ALG6: variants seen among roughly 807,000 people sequenced by gnomAD.
ALG6 encodes ALG6 alpha-1,3-glucosyltransferase.
ALG6 carries 46 observed loss-of-function variants against 66.6 expected under a neutral mutation model. The ratio of observed to expected loss-of-function variants is 0.69; its 90% confidence interval spans 0.55 to 0.88. ALG6 has a LOEUF of 0.88. Ranked by LOEUF, ALG6 falls within the 40% of genes least tolerant of loss-of-function variation. ALG6 has a pLI of 0.00. For synonymous variants in ALG6, 185 were observed against 203.7 expected, an observed-to-expected ratio of 0.91 and a Z score of 0.78; for missense variants, 505 against 586.8, an observed-to-expected ratio of 0.86 and a Z score of 1.44.
chr1:63,406,550 A>G, intron 6 of ALG6, 151 bp downstream of exon 6: 4 of 719,372 alleles, frequency 5.6e-6, no homozygotes, highest in Non-Finnish European at 7.1e-6. Flanking sequence ...AAAAGCATCA[A>G]CTTATCTTAC....
At chr1:63,368,098 C>T (rs1647787858) in intron 1 of ALG6, among the ~76,000 whole-genome samples, 1 of 152,118 alleles carries the variant, frequency 6.6e-6, no homozygotes, top group Non-Finnish European at 1.5e-5. Context: ...ATGGGGACGG[C>T]GGGCTTGGCA....
At chr1:63,411,065 C>T (rs1360356228) in intron 7 of ALG6, 81 bp from the exon 8 acceptor site, 2 of 1,395,982 alleles carry the variant, frequency 1.4e-6, no homozygotes, top group Non-Finnish European at 2.0e-6. Context: ...TTTCCTAGAG[C>T]ATATCTCTTG....
At chr1:63,400,361 G>GCA (rs1272509497) in intron 3 of ALG6, among the ~76,000 whole-genome samples, 1 of 101,208 alleles carries the variant, frequency 9.9e-6, no homozygotes, top group Non-Finnish European at 1.8e-5. Flanking sequence ...ATATATATAT[G>GCA]TATATATATG....
intron 2 of ALG6, among the ~76,000 whole-genome samples, chr1:63,385,184 CTTTTTTTTT>C (rs1165046824): frequency 1.7e-5 from 1 of 58,952 alleles, no homozygotes; most frequent in Admixed American, 2.2e-4. Context: ...TTTACTTCTT[CTTTTTTTTT>C]TTTTTTTTTT....
Position 63,401,179 on chromosome 1 carries a change from G to C in ALG6, c.168-1075G>C, listed in dbSNP as rs180877786. Among the ~76,000 whole-genome samples the C allele has an allele frequency of 1.0e-3, 159 of 152,226 alleles. 3 individuals carry two copies. The Middle Eastern group carries it at 0.014, about 13-fold the overall frequency. ...TACTCTATGCCCAGATGTCTTGGCT[G>C]TCTACCATGCCTTGATAATTTTAAT... On this transcript the variant is annotated intron_variant, in intron 3 of 14. Transcript: ENST00000263440.
At chr1:63,424,221 A>G (rs1271860830) in intron 12 of ALG6, among the ~76,000 whole-genome samples, 1 of 151,962 alleles carries the variant, frequency 6.6e-6, no homozygotes, top group African/African-American at 2.4e-5. Flanking sequence ...GCTCACTGCA[A>G]CCTCCGCCTC....
chr1:63,432,443 T>A (rs932656182), intron 14 of ALG6, among the ~76,000 whole-genome samples: 2 of 152,218 alleles, frequency 1.3e-5, no homozygotes, highest in Admixed American at 6.5e-5. Context: ...TAAGAGACAC[T>A]AACATGTAGT....
At chr1:63,405,276 A>G (rs2100416138) in intron 5 of ALG6, among the ~76,000 whole-genome samples, 1 of 152,184 alleles carries the variant, frequency 6.6e-6, no homozygotes, top group African/African-American at 2.4e-5. Flanking sequence ...TTTCTGAACC[A>G]CATACACACC....
Position 63,411,944 on chromosome 1 carries a change from G to A in ALG6, c.699G>A (p.Lys233=), listed in dbSNP as rs1310450217. 2.5e-6 allele frequency: 4 copies of A among 1,613,942 alleles called. No homozygotes were observed. Among genetic ancestry groups the A allele is most frequent in the South Asian group, 2.2e-5 (2 of 91,088 alleles). The change falls in exon 9 of 15, where the codon AAG becomes AAA. Residue 233 remains lysine (K), a synonymous_variant. Transcript: ENST00000263440. Reference sequence around the variant, plus strand: ...GTTTTAGGTTTGTGTTGCTAGTTAAGCTAGCTTGTATTGTTGTGGCTTCCT... The same window carrying A: ...GTTTTAGGTTTGTGTTGCTAGTTAAACTAGCTTGTATTGTTGTGGCTTCCT... The part of the protein sequence containing the change: ...LKGKGFVLLV[K]LACIVVASFV...
chr1:63,380,360 G>A (rs1648264583), intron 2 of ALG6, among the ~76,000 whole-genome samples: 1 of 152,192 alleles, frequency 6.6e-6, no homozygotes, highest in African/African-American at 2.4e-5. Flanking sequence ...ACGGAAGAAA[G>A]GAAGTAGTTT....
intron 2 of ALG6, among the ~76,000 whole-genome samples, chr1:63,387,109 G>T (rs1378100827): frequency 2.0e-5 from 3 of 152,226 alleles, no homozygotes; most frequent in South Asian, 2.1e-4. Context: ...AATTCCTCTT[G>T]TTATTGATTT....
intron 11 of ALG6, among the ~76,000 whole-genome samples, chr1:63,418,074 C>T (rs987207529): frequency 2.0e-5 from 3 of 150,018 alleles, no homozygotes; most frequent in East Asian, 2.0e-4. Context: ...GCGGAGGTTG[C>T]GGCGAGTGGA....
At chr1:63,387,532 C>CTTTTTTTTTTTTTTTTTTTTTTTTTTTT (rs760731397) in intron 2 of ALG6, among the ~76,000 whole-genome samples, 2 of 59,476 alleles carry the variant, frequency 3.4e-5, no homozygotes, top group Non-Finnish European at 6.0e-5. Context: ...TTGTCTTTCT[C>CTTTTTTTTTTTTTTTTTTTTTTTTTTTT]TTTTTTTTTT....
intron 10 of ALG6, among the ~76,000 whole-genome samples, chr1:63,414,587 CCTATTG>C (rs1188482451): frequency 6.6e-6 from 1 of 152,154 alleles, no homozygotes. Context: ...ACATAAAAGA[CCTATTG>C]CTCTGTACAA....
intron 2 of ALG6, among the ~76,000 whole-genome samples, chr1:63,377,703 G>A (rs1376911435): frequency 2.6e-5 from 4 of 152,140 alleles, no homozygotes; most frequent in African/African-American, 9.6e-5. Flanking sequence ...TTAATGACTT[G>A]TTTTGTACAG....
intron 12 of ALG6, among the ~76,000 whole-genome samples, chr1:63,422,118 AATATATAAATAAATATATAAAT>A (rs1209885257): frequency 1.2e-5 from 1 of 80,172 alleles, no homozygotes; most frequent in East Asian, 3.8e-4. Flanking sequence ...AATATATATA[AATATATAAATAAATATATAAAT>A]ATATATAAAT....
intron 3 of ALG6, among the ~76,000 whole-genome samples, chr1:63,400,976 C>T (rs1346617426): frequency 6.6e-6 from 1 of 152,086 alleles, no homozygotes; most frequent in Non-Finnish European, 1.5e-5. Context: ...CCTTTGGTCT[C>T]CATTATTTGC....
At chr1:63,406,764 T>A (rs1644491529) in intron 6 of ALG6, among the ~76,000 whole-genome samples, 1 of 152,084 alleles carries the variant, frequency 6.6e-6, no homozygotes, top group South Asian at 2.1e-4. Flanking sequence ...TTTTTGGTCA[T>A]TTTAGATAGG....
At chr1:63,400,243 ACGTATATATATG>A (rs1557587418) in intron 3 of ALG6, among the ~76,000 whole-genome samples, 322 of 12,160 alleles carry the variant, frequency 0.026, 44 homozygotes, top group South Asian at 0.034. Flanking sequence ...ATATATATAT[ACGTATATATATG>A]TATATATATA....
Sources: gnomAD v4.1 joint callset for allele counts (sites outside exome capture counted in the v4.1 genomes callset) on GRCh38, gnomAD v4.1.1 for gene constraint, MANE v1.5 for transcripts, NCBI Gene and HGNC (gene_info 2026-07-23, HGNC 2026-07-21) for gene names.